Variants in FSD1L observed in about 807,000 individuals in gnomAD.
FSD1L encodes fibronectin type III and SPRY domain containing 1 like.
Under a neutral mutation model 71.6 loss-of-function variants are expected in FSD1L, and 45 were observed. That is an observed-to-expected ratio of 0.63 (90% CI 0.49 to 0.81). FSD1L has a LOEUF of 0.81. Among genes scored for constraint, FSD1L ranks in the 30% least tolerant of loss-of-function variants. FSD1L has a pLI of 0.00. For missense variants in FSD1L, 561 were observed against 618.1 expected (o/e 0.91, Z 0.98); for synonymous variants, 197 against 207.2 (o/e 0.95, Z 0.42).
rs757314499 is a variant in FSD1L at position 105,471,896 on chromosome 9, T to C, written c.340-8T>C. 1.4e-5 allele frequency: 16 copies of C among 1,138,928 alleles called. No homozygotes were observed. The highest frequency in any genetic ancestry group is 3.5e-6 in the Non-Finnish European group (3 of 850,756). The allele number at this position is 1,138,928 out of a possible 1,614,324, so 70.6% of individuals were successfully genotyped here. On this transcript the variant is annotated splice_region_variant and splice_polypyrimidine_tract_variant and intron_variant, in intron 4 of 13. Coordinates refer to ENST00000481272, the MANE Select transcript of FSD1L (RefSeq NM_001145313.3). ...TTAATGACTTAGTTTTTTTTTTTTT[T>C]TCCCTAGAGTCAGATTAGTCAATGT...
intron 8 of FSD1L, 101 bp from the exon 9 acceptor site, chr9:105,508,516 T>G (rs1292699030): frequency 4.4e-6 from 3 of 689,392 alleles, no homozygotes; most frequent in Non-Finnish European, 7.7e-6. Flanking sequence ...TCTTCCTGAA[T>G]ACAGAGACAC....
At chr9:105,519,835 G>A (rs1394928789) in intron 10 of FSD1L, among the ~76,000 whole-genome samples, 1 of 152,156 alleles carries the variant, frequency 6.6e-6, no homozygotes, top group Non-Finnish European at 1.5e-5. Flanking sequence ...GGCCGCTGGA[G>A]ACGAGCGGCG....
At chr9:105,460,436 C>CA (rs1390760810) in intron 1 of FSD1L, among the ~76,000 whole-genome samples, 6 of 151,626 alleles carry the variant, frequency 4.0e-5, no homozygotes, top group African/African-American at 7.3e-5. Flanking sequence ...CCAAAAAATA[C>CA]AAAAAATTAG....
upstream of FSD1L, among the ~76,000 whole-genome samples, chr9:105,446,309 T>C (rs1829644698): frequency 6.6e-6 from 1 of 152,200 alleles, no homozygotes; most frequent in South Asian, 2.1e-4. Context: ...CCAAGAGAGA[T>C]CTTCCCTGAC....
Position 105,461,537 on chromosome 9 carries a change from T to C in FSD1L, c.33T>C (p.Asn11=). Residue 11 remains asparagine, a synonymous_variant, in exon 2 of 14, where the codon AAT becomes AAC. Transcript: ENST00000481272. MDSQKYCFKE[N]ENVTVDKACF... is the part of the protein sequence containing the mutation. ...TTGGACAGTACTGCTTTAAGGAGAA[T>C]GAAAACGTTACAGTTGATAAAGCCT... The C allele has an allele frequency of 1.3e-6, 2 of 1,550,592 alleles. No homozygotes were observed. Among genetic ancestry groups the C allele is most frequent in the Non-Finnish European group, 8.7e-7 (1 of 1,145,920 alleles).
chr9:105,444,896 A>G (rs1025425141), upstream of FSD1L, among the ~76,000 whole-genome samples: 2 of 152,206 alleles, frequency 1.3e-5, no homozygotes, highest in Non-Finnish European at 2.9e-5. Context: ...ATTCTACTCC[A>G]AGAGTTCCTG....
rs80349941 is a variant in FSD1L, at chr9:105,463,487, A to T, written c.112-749A>T. ...TACATTTGACTATATAAACTTAATT[A>T]AAGTTGGAAAAATTAAATTTAGTTC... On this transcript the variant is annotated intron_variant, in intron 2 of 13. Coordinates refer to ENST00000481272, the MANE Select transcript of FSD1L (RefSeq NM_001145313.3). Among the ~76,000 whole-genome samples the T allele has an allele frequency of 7.3e-3, 1,113 of 152,330 alleles. 33 individuals carry two copies. The East Asian group carries it at 0.077, about 11-fold the overall frequency.
chr9:105,495,576 TC>T (rs1161271714), intron 7 of FSD1L, among the ~76,000 whole-genome samples: 1 of 152,184 alleles, frequency 6.6e-6, no homozygotes, highest in African/African-American at 2.4e-5. Context: ...AATGCAGAAA[TC>T]ACCTGTCTTC....
At chr9:105,443,364 A>G (rs560436678), upstream of FSD1L, among the ~76,000 whole-genome samples, 1 of 148,838 alleles carries the variant, frequency 6.7e-6, no homozygotes, top group East Asian at 1.9e-4. Flanking sequence ...TCATAAAACC[A>G]TCAGCTCTCG....
rs1414043447 is a variant in FSD1L at position 105,484,429 on chromosome 9, T to TG, written c.514dup (p.Asp172GlyfsTer41). The TG allele has an allele frequency of 4.6e-6, 7 of 1,529,060 alleles. No homozygotes were observed. The Admixed American group carries it at 8.6e-5, about 19-fold the overall frequency. 94.7% of individuals were successfully genotyped at this position (1,529,060 alleles called of 1,614,324 possible). On this transcript the variant is annotated frameshift_variant, in exon 7 of 14. Transcript: ENST00000481272. LOFTEE classifies it high-confidence loss of function. ...GCCTTTCTTTGAAACCAAAGGTCAG[T>TG]GACAACATGACTCATTTAATGGTGG...
intron 7 of FSD1L, among the ~76,000 whole-genome samples, chr9:105,495,920 C>G (rs1833361073): frequency 6.6e-6 from 1 of 150,690 alleles, no homozygotes; most frequent in Non-Finnish European, 1.5e-5. Context: ...TGCAGTGAGC[C>G]GAGATTGCAC....
rs1199191376 is a variant in FSD1L at position 105,551,200 on chromosome 9, A to T, written c.*4717A>T. 1.3e-5 allele frequency: 2 copies of T among 152,104 alleles called. No homozygotes were observed. Among genetic ancestry groups the T allele is most frequent in the Non-Finnish European group, 2.9e-5 (2 of 67,986 alleles). The allele number at this position is 152,104 out of a possible 1,614,324, so 9.4% of individuals were successfully genotyped here. A position where few individuals can be genotyped will look rare whatever the true frequency, so the allele number is the denominator to read the frequency against. ...CTCTTTAAAATCAACTTTATAACTA[A>T]TTCATACTATAAGACAGATAATAGC... On this transcript the variant is annotated 3_prime_UTR_variant, in exon 14 of 14. Transcript: ENST00000481272.
intron 7 of FSD1L, among the ~76,000 whole-genome samples, chr9:105,491,617 A>C (rs542798861): frequency 2.0e-3 from 309 of 152,148 alleles, no homozygotes; most frequent in Non-Finnish European, 2.9e-3. Context: ...CCCATTCAGT[A>C]TGATATTGGC....
At chr9:105,493,846 T>G (rs1833142072) in intron 7 of FSD1L, among the ~76,000 whole-genome samples, 1 of 152,234 alleles carries the variant, frequency 6.6e-6, no homozygotes, top group African/African-American at 2.4e-5. Flanking sequence ...TCTTCTGGTT[T>G]GTAGAGTTTC....
At position 105,520,540 on chromosome 9, in the gene FSD1L, C is replaced by A; in HGVS notation, c.1025+7604C>A. 3 of 1,222,992 alleles carry A rather than the reference C, an allele frequency of 2.5e-6. No individual in the cohort carries two copies. The Admixed American group carries it at 5.2e-5, about 21-fold the overall frequency. The allele number at this position is 1,222,992 out of a possible 1,614,324, so 75.8% of individuals were successfully genotyped here. A position where few individuals can be genotyped will look rare whatever the true frequency, so the allele number is the denominator to read the frequency against. The stretch of plus-strand genomic sequence containing the variant: ...TTTTGAGAAAATTTTACAACTTCTT[C>A]CAGAAAGAATTCATCAGCCATGGCA... On this transcript the variant is annotated intron_variant, in intron 10 of 13. Transcript: ENST00000481272.
chr9:105,445,301 G>T (rs1206396260), upstream of FSD1L, among the ~76,000 whole-genome samples: 1 of 152,180 alleles, frequency 6.6e-6, no homozygotes, highest in Non-Finnish European at 1.5e-5. Context: ...CAGAGATCAG[G>T]TGAGGGCAGA....
Position 105,535,191 on chromosome 9 carries a change from C to T in FSD1L, c.1251C>T (p.Asn417=). The T allele has an allele frequency of 6.4e-7, 1 of 1,552,010 alleles. No individual in the cohort carries two copies. Among genetic ancestry groups the T allele is most frequent in the South Asian group, 1.2e-5 (1 of 84,062 alleles). ...AATTTGACCAATTGGGAAAGACAAA[C>T]ACTAGTTGGTGTATCCATGTCAACA... ...LGKFDQLGKT[N]TSWCIHVNNW... Residue 417 remains asparagine (N), a synonymous_variant, in exon 12 of 14, where the codon AAC becomes AAT. Coordinates refer to ENST00000481272, the MANE Select transcript of FSD1L (RefSeq NM_001145313.3).
chr9:105,461,577 A>G lies in FSD1L; in HGVS notation c.73A>G (p.Asn25Asp). The G allele has an allele frequency of 5.2e-6, 8 of 1,551,812 alleles. No individual in the cohort carries two copies. Among genetic ancestry groups the G allele is most frequent in the South Asian group, 1.2e-5 (1 of 84,054 alleles). ...TGATAAAGCCTGTTTTCTGATCTCT[A>G]ACATCACTATTGGACCAGAGTCTAT... ...TVDKACFLISNITIGPESINL... is the reference protein window; with the variant it reads ...TVDKACFLISDITIGPESINL... Residue 25 changes from asparagine to aspartate, a missense_variant, in exon 2 of 14, where the codon AAC (asparagine) becomes GAC (aspartate). Transcript: ENST00000481272.
intron 6 of FSD1L, among the ~76,000 whole-genome samples, chr9:105,479,577 A>T (rs922706526): frequency 7.9e-5 from 12 of 152,186 alleles, no homozygotes; most frequent in Non-Finnish European, 1.5e-4. Context: ...GTGGATAATT[A>T]TGTGCTTCAG....
Sources: allele counts gnomAD v4.1 joint callset (sites outside exome capture counted in the v4.1 genomes callset), GRCh38; gene constraint gnomAD v4.1.1; transcripts MANE v1.5; gene names NCBI Gene and HGNC (gene_info 2026-07-23, HGNC 2026-07-21).